DLC1: variants seen among roughly 807,000 people sequenced by gnomAD.
DLC1 encodes rho GTPase-activating protein 7.
In DLC1, 54 loss-of-function variants were observed where a neutral mutation model predicts 140.3. The ratio of observed to expected loss-of-function variants is 0.38; its 90% CI spans 0.31 to 0.48. DLC1 has a LOEUF of 0.48. Among genes scored for constraint, DLC1 ranks in the 20% least tolerant of loss-of-function variants. The pLI, the probability that DLC1 is intolerant of heterozygous loss-of-function variation, is 0.96. For synonymous variants in DLC1, 986 were observed against 728.1 expected, an observed-to-expected ratio of 1.35 and a Z score of -5.70; for missense variants, 2,536 against 1,907.0, an observed-to-expected ratio of 1.33 and a Z score of -6.14.
chr8:13,118,102 C>T (rs531447448), intron 5 of DLC1, among the ~76,000 whole-genome samples: 6 of 150,310 alleles, frequency 4.0e-5, no homozygotes, highest in South Asian at 4.2e-4. Flanking sequence ...ATCGACCTTC[C>T]GGGCTCAAAT....
At chr8:13,089,519 G>A (rs1019253329) in intron 15 of DLC1, among the ~76,000 whole-genome samples, 1 of 151,812 alleles carries the variant, frequency 6.6e-6, no homozygotes, top group African/African-American at 2.4e-5. Flanking sequence ...CAGCTACTCG[G>A]GAGGCTGAGG....
At chr8:13,444,543 C>G (rs1183638301) in intron 2 of DLC1, among the ~76,000 whole-genome samples, 1 of 152,084 alleles carries the variant, frequency 6.6e-6, no homozygotes, top group Non-Finnish European at 1.5e-5. Context: ...TAGGTGCATT[C>G]TACACTACGA....
intron 5 of DLC1, among the ~76,000 whole-genome samples, chr8:13,198,184 A>G (rs561751039): frequency 6.6e-6 from 1 of 152,254 alleles, no homozygotes; most frequent in Non-Finnish European, 1.5e-5. Flanking sequence ...AGTGACGATC[A>G]CAAGTGTGAT....
At chr8:13,157,274 GA>G (rs999743898) in intron 5 of DLC1, among the ~76,000 whole-genome samples, 14 of 151,688 alleles carry the variant, frequency 9.2e-5, no homozygotes, top group African/African-American at 2.9e-4. Context: ...ACAGTAAAAA[GA>G]AAAAAAAGAA....
At chr8:13,546,076 C>G (rs1803639680) in intron 1 of DLC1, among the ~76,000 whole-genome samples, 1 of 151,858 alleles carries the variant, frequency 6.6e-6, no homozygotes, top group Admixed American at 6.6e-5. Flanking sequence ...TCTTGGAATT[C>G]TTATCTATTA....
At chr8:13,286,560 T>A (rs1346442648) in intron 5 of DLC1, among the ~76,000 whole-genome samples, 1 of 151,962 alleles carries the variant, frequency 6.6e-6, no homozygotes, top group Non-Finnish European at 1.5e-5. Context: ...GAATATGCTG[T>A]TTGTATGGAT....
chr8:13,278,274 A>G (rs1325352117), intron 5 of DLC1, among the ~76,000 whole-genome samples: 4 of 152,210 alleles, frequency 2.6e-5, no homozygotes, highest in Non-Finnish European at 5.9e-5. Context: ...TGATTGCCTA[A>G]TGCCTGGTTC....
intron 5 of DLC1, among the ~76,000 whole-genome samples, chr8:13,226,357 A>G (rs1410781739): frequency 6.6e-6 from 1 of 152,256 alleles, no homozygotes; most frequent in African/African-American, 2.4e-5. Flanking sequence ...CAGATAAAGT[A>G]GTGCTGCATA....
At chr8:13,575,882 A>G (rs1277717963) in intron 1 of DLC1, among the ~76,000 whole-genome samples, 1 of 152,228 alleles carries the variant, frequency 6.6e-6, no homozygotes, top group Non-Finnish European at 1.5e-5. Context: ...TTTAGTATGC[A>G]CTGAGACATG....
intron 16 of DLC1, among the ~76,000 whole-genome samples, 186 bp downstream of exon 16, chr8:13,088,301 T>G (rs1437923467): frequency 3.9e-5 from 6 of 152,230 alleles, no homozygotes. Flanking sequence ...AGGCTGGTCT[T>G]GAACTGCTGG....
At chr8:13,191,467 C>T (rs1302745362) in intron 5 of DLC1, among the ~76,000 whole-genome samples, 5 of 152,200 alleles carry the variant, frequency 3.3e-5, no homozygotes, top group Admixed American at 6.5e-5. Flanking sequence ...GATTGTGCTA[C>T]TGCACAGAGC....
At chr8:13,522,802 C>T (rs1802804577) in intron 1 of DLC1, among the ~76,000 whole-genome samples, 1 of 151,654 alleles carries the variant, frequency 6.6e-6, no homozygotes, top group Admixed American at 6.6e-5. Flanking sequence ...TAAGAAACAC[C>T]AGAGTAAGTC....
intron 2 of DLC1, among the ~76,000 whole-genome samples, chr8:13,441,964 G>A (rs752151829): frequency 6.6e-6 from 1 of 152,102 alleles, no homozygotes; most frequent in South Asian, 2.1e-4. Context: ...ATACTACAAG[G>A]CTACAGTAAC....
At chr8:13,139,567 G>T (rs888779590) in intron 5 of DLC1, among the ~76,000 whole-genome samples, 6 of 152,168 alleles carry the variant, frequency 3.9e-5, no homozygotes, top group African/African-American at 1.4e-4. Flanking sequence ...GGGCTTGGAC[G>T]TACTGAATTC....
At chr8:13,294,556 C>T (rs1384873958) in intron 5 of DLC1, among the ~76,000 whole-genome samples, 1 of 152,072 alleles carries the variant, frequency 6.6e-6, no homozygotes, top group African/African-American at 2.4e-5. Context: ...GGAAGGGAAA[C>T]AGGAGGAGCA....
chr8:13,439,310 T>G (rs1311445131), intron 2 of DLC1, among the ~76,000 whole-genome samples: 1 of 151,626 alleles, frequency 6.6e-6, no homozygotes, highest in Non-Finnish European at 1.5e-5. Flanking sequence ...GGCGACAGAG[T>G]GAGAGTCCAT....
At chr8:13,320,799 G>C (rs1461627576) in intron 4 of DLC1, among the ~76,000 whole-genome samples, 1 of 152,168 alleles carries the variant, frequency 6.6e-6, no homozygotes, top group Non-Finnish European at 1.5e-5. Flanking sequence ...AGGATTGCTT[G>C]AGGCCAAGAG....
At chr8:13,145,512 C>T (rs1247560023) in intron 5 of DLC1, among the ~76,000 whole-genome samples, 4 of 152,090 alleles carry the variant, frequency 2.6e-5, no homozygotes, top group Admixed American at 2.6e-4. Context: ...TATGATCTAG[C>T]AATTCTACTC....
At chr8:13,119,662 CT>C (rs1820868468) in intron 5 of DLC1, among the ~76,000 whole-genome samples, 1 of 152,104 alleles carries the variant, frequency 6.6e-6, no homozygotes, top group South Asian at 2.1e-4. Context: ...TAAAAATGAG[CT>C]TTCTGAGGCC....
Sources: allele counts gnomAD v4.1 joint callset (sites outside exome capture counted in the v4.1 genomes callset), GRCh38; gene constraint gnomAD v4.1.1; transcripts MANE v1.5; gene names NCBI Gene and HGNC (gene_info 2026-07-23, HGNC 2026-07-21).